STPG2: variants seen among roughly 807,000 people sequenced by gnomAD.
STPG2 encodes sperm-tail PG-rich repeat-containing protein 2.
A neutral mutation model predicts 54.2 loss-of-function variants in STPG2; 56 were observed. The ratio of observed to expected loss-of-function variants is 1.03; its 90% confidence interval spans 0.83 to 1.29. The LOEUF is 1.29. STPG2 is among the 50% of genes most tolerant of loss of function. The pLI, the probability that STPG2 is intolerant of heterozygous loss-of-function variation, is 0.00. For synonymous variants in STPG2, 200 were observed against 181.8 expected (o/e 1.10, Z -0.81); for missense variants, 596 against 544.9 (o/e 1.09, Z -0.93).
intron 4 of STPG2, among the ~76,000 whole-genome samples, chr4:97,499,089 A>G (rs538513103): frequency 6.6e-6 from 1 of 152,140 alleles, no homozygotes; most frequent in East Asian, 1.9e-4. Context: ...GAAAATCAGG[A>G]TAAGTCTAAC....
At chr4:98,081,933 C>A (rs1219189483) in intron 5 of STPG2, among the ~76,000 whole-genome samples, 1 of 152,088 alleles carries the variant, frequency 6.6e-6, no homozygotes, top group Non-Finnish European at 1.5e-5. Context: ...TCAATAGAGG[C>A]TATGATAAAA....
intron 5 of STPG2, among the ~76,000 whole-genome samples, chr4:97,988,160 C>G (rs544304793): frequency 6.6e-6 from 1 of 152,144 alleles, no homozygotes; most frequent in South Asian, 2.1e-4. Flanking sequence ...ATCTGCTTCA[C>G]GACCTTGGCA....
intron 10 of STPG2, among the ~76,000 whole-genome samples, chr4:97,650,991 G>T (rs1255892210): frequency 6.6e-6 from 1 of 151,790 alleles, no homozygotes; most frequent in African/African-American, 2.4e-5. Flanking sequence ...AGGCCCCTTA[G>T]ATAGGAATTT....
At position 97,851,410 on chromosome 4, in the gene STPG2, T is replaced by C. The variant is rs761649251; in HGVS notation, c.1045-10478A>G. On this transcript the variant is annotated intron_variant, in intron 8 of 10. Coordinates refer to ENST00000295268, the MANE Select transcript of STPG2 (RefSeq NM_174952.3). ...TTGTTGTTAAGTTCTTCCATGACAGTAGGGCTGACACTATGCCTTGAAAGT... is the reference window on the plus strand; with the variant it reads ...TTGTTGTTAAGTTCTTCCATGACAGCAGGGCTGACACTATGCCTTGAAAGT... 4.6e-5 allele frequency among the ~76,000 whole-genome samples: 7 copies of C among 152,308 alleles called. No individual in the cohort carries two copies. In the South Asian group the frequency reaches 1.0e-3, roughly 23 times the overall value.
chr4:97,540,253 G>A (rs1357485265), intron 4 of STPG2, among the ~76,000 whole-genome samples: 1 of 151,920 alleles, frequency 6.6e-6, no homozygotes. Context: ...AGAAAAGAGA[G>A]AAGAATCAAA....
chr4:97,529,113 A>T (rs935150991), intron 4 of STPG2, among the ~76,000 whole-genome samples: 1 of 152,122 alleles, frequency 6.6e-6, no homozygotes, highest in Admixed American at 6.6e-5. Context: ...GATATTGGCT[A>T]TGGGTTTGTC....
At chr4:97,658,335 C>T (rs1722275919) in intron 10 of STPG2, among the ~76,000 whole-genome samples, 1 of 152,112 alleles carries the variant, frequency 6.6e-6, no homozygotes. Context: ...ACACTAGCTC[C>T]AAATATATTA....
intron 10 of STPG2, among the ~76,000 whole-genome samples, chr4:97,611,593 C>G (rs942692046): frequency 6.6e-6 from 1 of 151,762 alleles, no homozygotes; most frequent in East Asian, 1.9e-4. Context: ...AAAGCAATGA[C>G]TAGAATTAGC....
intron 9 of STPG2, among the ~76,000 whole-genome samples, chr4:97,759,779 G>A (rs558322632): frequency 2.6e-5 from 4 of 152,218 alleles, no homozygotes; most frequent in African/African-American, 9.6e-5. Flanking sequence ...AAGGAAGGAG[G>A]CGGCATTCCT....
intron 10 of STPG2, among the ~76,000 whole-genome samples, chr4:97,613,687 T>C (rs908856933): frequency 5.9e-5 from 9 of 152,082 alleles, no homozygotes; most frequent in African/African-American, 2.2e-4. Flanking sequence ...CTGATGTATA[T>C]TTATTTCATA....
chr4:97,854,956 C>T (rs776737115), intron 8 of STPG2, among the ~76,000 whole-genome samples: 6 of 152,138 alleles, frequency 3.9e-5, no homozygotes, highest in Admixed American at 1.3e-4. Flanking sequence ...CATGTGTCCA[C>T]GTGTTCTCAT....
chr4:97,778,586 G>C (rs951737080), intron 9 of STPG2, among the ~76,000 whole-genome samples: 1 of 152,102 alleles, frequency 6.6e-6, no homozygotes, highest in Admixed American at 6.6e-5. Context: ...AGAGAGTAGT[G>C]GTTCTCCCAG....
chr4:97,844,366 A>C (rs553786220), intron 8 of STPG2, among the ~76,000 whole-genome samples: 44 of 152,054 alleles, frequency 2.9e-4, no homozygotes, highest in East Asian at 1.4e-3. Flanking sequence ...CTCAGAAAAA[A>C]ATTTTCCTTT....
At chr4:97,639,051 T>A (rs1398446965) in intron 10 of STPG2, among the ~76,000 whole-genome samples, 1 of 152,000 alleles carries the variant, frequency 6.6e-6, no homozygotes, top group African/African-American at 2.4e-5. Context: ...CACACGTATG[T>A]TTATTGCGGC....
In STPG2 at chr4:97,867,043, C is replaced by A. The variant is rs193276682; in HGVS notation, c.1045-26111G>T. ...GCAGGAGCAGCAAGCAGTTCCCATG[C>A]TAGCCCAGATCTGAGGAGTAGCTTT... On this transcript the variant is annotated intron_variant, in intron 8 of 10. Coordinates refer to ENST00000295268, the MANE Select transcript of STPG2 (RefSeq NM_174952.3). 6.1e-3 allele frequency among the ~76,000 whole-genome samples: 934 copies of A among 152,094 alleles called. 5 individuals are homozygous for A. The highest frequency in any genetic ancestry group is 0.021 in the South Asian group (101 of 4,828).
intron 9 of STPG2, among the ~76,000 whole-genome samples, chr4:97,819,692 T>C (rs989738965): frequency 6.6e-6 from 1 of 152,096 alleles, no homozygotes; most frequent in Non-Finnish European, 1.5e-5. Context: ...AATAATTTAA[T>C]ATTTTAACAT....
chr4:97,971,283 C>A (rs1391734672), intron 7 of STPG2, among the ~76,000 whole-genome samples: 1 of 152,030 alleles, frequency 6.6e-6, no homozygotes, highest in Non-Finnish European at 1.5e-5. Context: ...ACCATTTGAC[C>A]CAGCAATCCC....
intron 7 of STPG2, among the ~76,000 whole-genome samples, chr4:97,956,228 T>A (rs1196687430): frequency 6.6e-6 from 1 of 152,136 alleles, no homozygotes; most frequent in Non-Finnish European, 1.5e-5. Context: ...TCTTATTGGA[T>A]TGCAATACAT....
At chr4:97,833,645 T>TA (rs1268057864) in intron 9 of STPG2, among the ~76,000 whole-genome samples, 1 of 151,854 alleles carries the variant, frequency 6.6e-6, no homozygotes, top group African/African-American at 2.4e-5. Context: ...ACAAATAACT[T>TA]AAACAAATTT....
Sources: allele counts gnomAD v4.1 joint callset (sites outside exome capture counted in the v4.1 genomes callset), GRCh38; gene constraint gnomAD v4.1.1; transcripts MANE v1.5; gene names NCBI Gene and HGNC (gene_info 2026-07-23, HGNC 2026-07-21).